Variants in WDR35 observed in about 807,000 individuals in gnomAD.
WDR35 encodes the protein WD repeat-containing protein 35.
A neutral mutation model predicts 158.3 loss-of-function variants in WDR35; 118 were observed. The observed-to-expected ratio is 0.75, with a 90% CI of 0.64 to 0.87. The LOEUF is 0.87. Among genes scored for constraint, WDR35 ranks in the 40% least tolerant of loss-of-function variants. WDR35 has a pLI of 0.00. For synonymous variants in WDR35, 448 were observed against 476.1 expected, an observed-to-expected ratio of 0.94 and a Z score of 0.77; for missense variants, 1,263 against 1,405.8, an observed-to-expected ratio of 0.90 and a Z score of 1.62.
intron 9 of WDR35, 116 bp from the exon 10 acceptor site, chr2:19,967,025 T>C (rs914054851): frequency 1.0e-6 from 1 of 957,842 alleles, no homozygotes; most frequent in South Asian, 1.4e-5. Context: ...CAGATATTTA[T>C]CACTGCTGAC....
Position 19,948,172 on chromosome 2 carries a change from A to T in WDR35, c.1516T>A (p.Leu506Met). ...ICAITASDKI[L>M]IVGRESGTIQ... ...GTTTTTGCAAAACTTACCACAATCAATATCTTATCTGATGCAGTTATGGCA... is the reference window on the plus strand; with the variant it reads ...GTTTTTGCAAAACTTACCACAATCATTATCTTATCTGATGCAGTTATGGCA... Residue 506 changes from leucine to methionine, a missense_variant, in exon 14 of 27, where the codon TTG becomes ATG. Transcript: ENST00000281405. 6.2e-7 allele frequency: 1 copy of T among 1,608,526 alleles called. No homozygotes were observed. The highest frequency in any genetic ancestry group is 8.5e-7 in the Non-Finnish European group (1 of 1,178,112).
chr2:19,957,104 G>A (rs1487177542), intron 11 of WDR35, among the ~76,000 whole-genome samples: 4 of 152,100 alleles, frequency 2.6e-5, no homozygotes, highest in African/African-American at 9.7e-5. Context: ...TAGTAGAGCT[G>A]GACACAAACC....
At chr2:19,989,082 T>TTGAC in intron 2 of WDR35, 83 bp downstream of exon 2, 1 of 1,187,394 alleles carries the variant, frequency 8.4e-7, no homozygotes, top group Admixed American at 1.7e-5. Flanking sequence ...GAACTGCATA[T>TTGAC]TGACAGATAA....
intron 2 of WDR35, among the ~76,000 whole-genome samples, chr2:19,983,705 C>G (rs894230542): frequency 1.3e-5 from 2 of 152,018 alleles, no homozygotes; most frequent in Non-Finnish European, 2.9e-5. Context: ...ATTCTGAAAA[C>G]ATTGTCAGGA....
At chr2:19,974,744 C>A (rs564645323) in intron 6 of WDR35, 111 bp from the exon 7 acceptor site, 5 of 1,103,242 alleles carry the variant, frequency 4.5e-6, no homozygotes, top group Non-Finnish European at 6.3e-6. Flanking sequence ...GTCTAAAAAT[C>A]AGGTGGCAAA....
chr2:19,938,894 C>T (rs1670784579), intron 17 of WDR35, among the ~76,000 whole-genome samples: 1 of 152,186 alleles, frequency 6.6e-6, no homozygotes, highest in African/African-American at 2.4e-5. Context: ...TTATCCATCT[C>T]CTCAACTCCT....
At position 19,933,443 on chromosome 2, in the gene WDR35, A is replaced by G. The variant is rs1558329494; in HGVS notation, c.2616T>C (p.Ser872=). 6.2e-7 allele frequency: 1 copy of G among 1,614,008 alleles called. No individual in the cohort carries two copies. ...AGGTATCTACTGCTGCCTTTGGTTG[A>G]CTACATTTCAAAAATGCAGTCACTG... ...EQAVTAFLKC[S]QPKAAVDTCV... Residue 872 remains serine (S), a synonymous_variant, in exon 22 of 27, where the codon AGT becomes AGC. Transcript: ENST00000281405.
At chr2:19,955,276 GA>G (rs1289927394) in intron 11 of WDR35, among the ~76,000 whole-genome samples, 1 of 152,002 alleles carries the variant, frequency 6.6e-6, no homozygotes, top group Non-Finnish European at 1.5e-5. Context: ...CTCTAATTTA[GA>G]AAAGAAAAAT....
chr2:19,980,190 T>C (rs762538275), intron 4 of WDR35, among the ~76,000 whole-genome samples: 2 of 152,252 alleles, frequency 1.3e-5, no homozygotes, highest in Non-Finnish European at 2.9e-5. Flanking sequence ...GCCACTCATT[T>C]ATTCATTCAT....
intron 16 of WDR35, among the ~76,000 whole-genome samples, chr2:19,945,422 A>AT (rs896732357): frequency 6.6e-6 from 1 of 152,068 alleles, no homozygotes; most frequent in Non-Finnish European, 1.5e-5. Context: ...TGAAAACTAT[A>AT]TTTTTTTATT....
intron 9 of WDR35, among the ~76,000 whole-genome samples, chr2:19,967,362 C>T (rs1361852268): frequency 6.6e-6 from 1 of 152,116 alleles, no homozygotes; most frequent in Non-Finnish European, 1.5e-5. Flanking sequence ...AATATATGGT[C>T]AAATAATCCT....
Position 19,934,957 on chromosome 2 carries a change from A to G in WDR35, c.2547+514T>C, listed in dbSNP as rs1670645726. 2.0e-5 allele frequency: 3 copies of G among 153,602 alleles called. No individual in the cohort carries two copies. Among genetic ancestry groups the G allele is most frequent in the South Asian group, 2.1e-4 (1 of 4,872 alleles). 9.5% of individuals were successfully genotyped at this position (153,602 alleles called of 1,614,324 possible). A position where few individuals can be genotyped will look rare whatever the true frequency, so the allele number is the denominator to read the frequency against. ...GATTCACATATTAAACACATAAAAT[A>G]CAAACTTATTTACAGTATTCAACAA... On this transcript the variant is annotated intron_variant, in intron 21 of 26. Transcript: ENST00000281405. This position sits in a 1 kb window ranked among gnomAD's most constrained non-coding sequence, Gnocchi z 4.6.
chr2:19,985,980 A>G (rs1435324929), intron 2 of WDR35, among the ~76,000 whole-genome samples: 2 of 150,176 alleles, frequency 1.3e-5, no homozygotes, highest in Non-Finnish European at 3.0e-5. Context: ...GAGACAATGG[A>G]AGGAGGGAAA....
Position 19,932,271 on chromosome 2 carries a change from T to C in WDR35, c.2823+12A>G. On this transcript the variant is annotated intron_variant, in intron 23 of 26. Coordinates refer to ENST00000281405, the MANE Select transcript of WDR35 (RefSeq NM_020779.4). ...GGAACAAATCAACTATTCACCAAGA[T>C]TTTTACATTACCTTAAACATCAGTT... 3 of 1,613,006 alleles carry C rather than the reference T, an allele frequency of 1.9e-6. No individual in the cohort carries two copies. The highest frequency in any genetic ancestry group is 2.5e-6 in the Non-Finnish European group (3 of 1,179,350).
chr2:19,930,485 T>C lies in WDR35; in HGVS notation c.3032A>G (p.Asn1011Ser). ...GTAAGCCTCTGCCCCTCTCCATGCATTATCTGTGAAACGATCTGTTGTAGA... is the reference window on the plus strand; with the variant it reads ...GTAAGCCTCTGCCCCTCTCCATGCACTATCTGTGAAACGATCTGTTGTAGA... ...VLSTTDRFTD[N>S]AWRGAEAYHF... The change falls in exon 25 of 27, where the codon AAT (asparagine) becomes AGT (serine). Residue 1011 changes from asparagine (N) to serine (S), a missense_variant. Asn to Ser is a conservative substitution (Grantham distance 46). Transcript: ENST00000281405. The C allele has an allele frequency of 1.2e-6, 2 of 1,614,172 alleles. No individual in the cohort carries two copies. The highest frequency in any genetic ancestry group is 1.3e-5 in the African/African-American group (1 of 75,054).
At chr2:19,923,262 T>C (rs1232485812) in intron 25 of WDR35, among the ~76,000 whole-genome samples, 1 of 152,156 alleles carries the variant, frequency 6.6e-6, no homozygotes, top group African/African-American at 2.4e-5. Flanking sequence ...TCTCGGCAAG[T>C]GGCATCCACC....
chr2:19,975,026 A>T (rs1316588901), intron 6 of WDR35, among the ~76,000 whole-genome samples: 1 of 152,218 alleles, frequency 6.6e-6, no homozygotes, highest in African/African-American at 2.4e-5. Flanking sequence ...AAACCTTGCA[A>T]AGCCAGAATT....
intron 13 of WDR35, among the ~76,000 whole-genome samples, chr2:19,949,718 G>A (rs1418975014): frequency 1.3e-5 from 2 of 152,172 alleles, no homozygotes; most frequent in Non-Finnish European, 2.9e-5. Flanking sequence ...AGTGACCTAG[G>A]CAGAAACTAA....
At chr2:19,957,396 C>T (rs1671479768) in intron 11 of WDR35, among the ~76,000 whole-genome samples, 1 of 152,106 alleles carries the variant, frequency 6.6e-6, no homozygotes, top group South Asian at 2.1e-4. Flanking sequence ...TATTAAGATT[C>T]ATCCCATCTA....
Sources: gnomAD v4.1 joint callset for allele counts (sites outside exome capture counted in the v4.1 genomes callset) on GRCh38, gnomAD v4.1.1 for gene constraint, Gnocchi (gnomAD v3.1) non-coding constraint, MANE v1.5 for transcripts, NCBI Gene and HGNC (gene_info 2026-07-23, HGNC 2026-07-21) for gene names.